MAPKAP1: variants seen among roughly 807,000 people sequenced by gnomAD.
MAPKAP1 encodes target of rapamycin complex 2 subunit MAPKAP1.
MAPKAP1 carries 20 observed loss-of-function variants against 65.7 expected under a neutral mutation model. That is an observed-to-expected ratio of 0.30 (90% confidence interval 0.21 to 0.44). MAPKAP1 has a LOEUF of 0.44. MAPKAP1 is among the 20% of genes least tolerant of loss of function. The pLI is 1.00. For synonymous variants in MAPKAP1, 222 were observed against 244.3 expected (o/e 0.91, Z 0.85); for missense variants, 423 against 648.0 (o/e 0.65, Z 3.77).
chr9:125,499,609 T>C (rs1828909876), intron 8 of MAPKAP1, among the ~76,000 whole-genome samples: 1 of 152,238 alleles, frequency 6.6e-6, no homozygotes, highest in South Asian at 2.1e-4. Context: ...ACCATGTTCA[T>C]GTTCGGAAGT....
At chr9:125,474,128 G>A (rs1854022093) in intron 9 of MAPKAP1, among the ~76,000 whole-genome samples, 1 of 152,156 alleles carries the variant, frequency 6.6e-6, no homozygotes, top group South Asian at 2.1e-4. Flanking sequence ...GGAGCCACGA[G>A]AAGGAGGTGA....
At chr9:125,553,634 C>A (rs1410347239) in intron 6 of MAPKAP1, among the ~76,000 whole-genome samples, 1 of 152,124 alleles carries the variant, frequency 6.6e-6, no homozygotes, top group Non-Finnish European at 1.5e-5. Context: ...CTACCCCATG[C>A]CCATTTGTCT....
intron 4 of MAPKAP1, among the ~76,000 whole-genome samples, chr9:125,596,792 A>G (rs528338734): frequency 6.6e-6 from 1 of 152,292 alleles, no homozygotes; most frequent in East Asian, 1.9e-4. Flanking sequence ...TATGGGCAAA[A>G]AACTCGAGGA....
At chr9:125,470,911 T>C (rs545008905) in intron 9 of MAPKAP1, among the ~76,000 whole-genome samples, 1 of 152,338 alleles carries the variant, frequency 6.6e-6, no homozygotes, top group African/African-American at 2.4e-5. Flanking sequence ...GATCTGTAAT[T>C]GGCAGGGGCT....
chr9:125,614,010 G>A (rs370836509), intron 4 of MAPKAP1, among the ~76,000 whole-genome samples: 2 of 152,202 alleles, frequency 1.3e-5, no homozygotes. Flanking sequence ...ATGTTAGCCA[G>A]GATGGTCTTG....
At chr9:125,489,359 T>G (rs1854616595) in intron 8 of MAPKAP1, among the ~76,000 whole-genome samples, 1 of 152,174 alleles carries the variant, frequency 6.6e-6, no homozygotes, top group Non-Finnish European at 1.5e-5. Flanking sequence ...TATGGTGCCT[T>G]CAAAGACTTC....
chr9:125,600,849 T>C (rs1832279967), intron 4 of MAPKAP1, among the ~76,000 whole-genome samples: 1 of 152,212 alleles, frequency 6.6e-6, no homozygotes, highest in Admixed American at 6.5e-5. Context: ...TGTTACACAG[T>C]GCTTTGCATT....
At chr9:125,658,816 A>G (rs1377203545) in intron 3 of MAPKAP1, among the ~76,000 whole-genome samples, 1 of 152,238 alleles carries the variant, frequency 6.6e-6, no homozygotes, top group Admixed American at 6.5e-5. Flanking sequence ...AAATGTCCAC[A>G]CTTAAAGTTT....
intron 3 of MAPKAP1, among the ~76,000 whole-genome samples, chr9:125,665,546 A>T (rs777852174): frequency 6.6e-6 from 1 of 152,096 alleles, no homozygotes; most frequent in Non-Finnish European, 1.5e-5. Flanking sequence ...AGAACTAATG[A>T]TAATCCCACC....
At chr9:125,470,534 T>C (rs934625467) in intron 9 of MAPKAP1, among the ~76,000 whole-genome samples, 8 of 152,260 alleles carry the variant, frequency 5.3e-5, no homozygotes, top group Non-Finnish European at 8.8e-5. Flanking sequence ...TCTTTTATCA[T>C]GTAAAGTACA....
intron 9 of MAPKAP1, among the ~76,000 whole-genome samples, chr9:125,475,941 T>A (rs1349548260): frequency 1.3e-5 from 2 of 152,332 alleles, no homozygotes; most frequent in East Asian, 3.9e-4. Flanking sequence ...GAACTCTGGA[T>A]GAACGCTCAT....
intron 4 of MAPKAP1, chr9:125,651,984 G>A: frequency 1.8e-6 from 1 of 566,186 alleles, no homozygotes. Flanking sequence ...TTGGGAAAGA[G>A]ATCCAGAAGC....
chr9:125,610,894 T>C (rs1050561030), intron 4 of MAPKAP1, among the ~76,000 whole-genome samples: 2 of 152,138 alleles, frequency 1.3e-5, no homozygotes, highest in Non-Finnish European at 2.9e-5. Flanking sequence ...AAGAAATAAT[T>C]TGTTCTATCT....
intron 4 of MAPKAP1, among the ~76,000 whole-genome samples, chr9:125,649,432 T>C (rs1833827020): frequency 6.6e-6 from 1 of 152,118 alleles, no homozygotes. Flanking sequence ...AATAAAAGAA[T>C]AAAATTACCC....
At chr9:125,669,370 C>G (rs1834432043) in intron 3 of MAPKAP1, among the ~76,000 whole-genome samples, 1 of 151,968 alleles carries the variant, frequency 6.6e-6, no homozygotes, top group Non-Finnish European at 1.5e-5. Context: ...ATCCCAGCTA[C>G]TGAGGACGTT....
At chr9:125,609,870 A>T (rs1589338092) in intron 4 of MAPKAP1, among the ~76,000 whole-genome samples, 1 of 152,364 alleles carries the variant, frequency 6.6e-6, no homozygotes, top group East Asian at 1.9e-4. Flanking sequence ...TGTGCCTGGC[A>T]CTGGGCTGAG....
chr9:125,606,862 C>G (rs1489463530), intron 4 of MAPKAP1, among the ~76,000 whole-genome samples: 1 of 152,116 alleles, frequency 6.6e-6, no homozygotes, highest in African/African-American at 2.4e-5. Flanking sequence ...TTTCATGGAG[C>G]TAGGGGCATG....
chr9:125,446,399 T>C lies in MAPKAP1; in HGVS notation c.1346-1801A>G, dbSNP rs567895000. Among the ~76,000 whole-genome samples, 7 of 152,326 alleles carry C rather than the reference T, an allele frequency of 4.6e-5. No homozygotes were observed. In the East Asian group the frequency reaches 9.6e-4, roughly 21 times the overall value. ...AATGTGAGAATTCCTGACTGGAAGC[T>C]AGTCACTCTGTTAACATATAAATTC... On this transcript the variant is annotated intron_variant, in intron 10 of 11. Coordinates refer to ENST00000265960, the MANE Select transcript of MAPKAP1 (RefSeq NM_001006617.3).
chr9:125,483,753 CCT>C (rs1213196791), intron 9 of MAPKAP1, among the ~76,000 whole-genome samples: 2 of 152,152 alleles, frequency 1.3e-5, no homozygotes, highest in Admixed American at 6.5e-5. Context: ...TCATTTACCC[CCT>C]CTGTTAGATG....
Sources: allele counts gnomAD v4.1 joint callset (sites outside exome capture counted in the v4.1 genomes callset), GRCh38; gene constraint gnomAD v4.1.1; transcripts MANE v1.5; gene names NCBI Gene and HGNC (gene_info 2026-07-23, HGNC 2026-07-21).